The following SGCZ variants were observed in gnomAD, a reference collection of about 807,000 sequenced individuals.
SGCZ encodes the protein sarcoglycan zeta, also known as zeta-sarcoglycan.
SGCZ carries 40 observed loss-of-function variants against 41.3 expected under a neutral mutation model. That is an observed-to-expected ratio of 0.97 (90% confidence interval 0.75 to 1.26). The LOEUF (loss-of-function observed/expected upper bound fraction) is 1.26. SGCZ is among the 50% of genes most tolerant of loss of function. The pLI, the probability that SGCZ is intolerant of heterozygous loss-of-function variation, is 0.00. For missense variants in SGCZ, 552 were observed against 369.8 expected (o/e 1.49, Z -4.04); for synonymous variants, 206 against 137.5 (o/e 1.50, Z -3.49).
chr8:15,047,785 T>C (rs1166558167), intron 1 of SGCZ, among the ~76,000 whole-genome samples: 1 of 151,978 alleles, frequency 6.6e-6, no homozygotes, highest in Non-Finnish European at 1.5e-5. Flanking sequence ...TATATAACTT[T>C]TATCATCGTA....
chr8:14,684,479 A>T (rs1404671901), intron 1 of SGCZ, among the ~76,000 whole-genome samples: 1 of 152,188 alleles, frequency 6.6e-6, no homozygotes, highest in Non-Finnish European at 1.5e-5. Context: ...GCTTTGGGAC[A>T]TTGTAGTGAG....
At chr8:14,843,790 A>C (rs1803006016) in intron 1 of SGCZ, among the ~76,000 whole-genome samples, 1 of 152,064 alleles carries the variant, frequency 6.6e-6, no homozygotes, top group Non-Finnish European at 1.5e-5. Context: ...TTAACTCATT[A>C]ATTGCCTTAC....
At chr8:14,242,194 C>T (rs1467117947) in intron 3 of SGCZ, among the ~76,000 whole-genome samples, 2 of 152,170 alleles carry the variant, frequency 1.3e-5, no homozygotes, top group Non-Finnish European at 2.9e-5. Flanking sequence ...ATGGGTGTTT[C>T]AGGTAAGGAT....
At chr8:14,128,127 A>G (rs1348555112) in intron 5 of SGCZ, among the ~76,000 whole-genome samples, 1 of 152,176 alleles carries the variant, frequency 6.6e-6, no homozygotes, top group Non-Finnish European at 1.5e-5. Context: ...ATGCTTATAC[A>G]CTGCTGGTGG....
intron 1 of SGCZ, among the ~76,000 whole-genome samples, chr8:14,658,828 G>C (rs982806083): frequency 4.6e-5 from 7 of 151,658 alleles, no homozygotes; most frequent in Admixed American, 4.6e-4. Context: ...ATCTAGCAGA[G>C]AGCAGATGCT....
In SGCZ at chr8:15,228,743, T is replaced by C. The variant is rs555443629; in HGVS notation, c.39+8842A>G. 2.1e-4 allele frequency among the ~76,000 whole-genome samples: 32 copies of C among 152,324 alleles called. No individual in the cohort carries two copies. The East Asian group carries it at 6.0e-3, about 29-fold the overall frequency. ...TAGAGGTGTTAACCTAAGTATTAAATATCAGTCTTTTACTTTAGGTATATA... is the reference window on the plus strand; with the variant it reads ...TAGAGGTGTTAACCTAAGTATTAAACATCAGTCTTTTACTTTAGGTATATA... On this transcript the variant is annotated intron_variant, in intron 1 of 7. Transcript: ENST00000382080.
At chr8:14,284,623 T>G (rs1220690769) in intron 3 of SGCZ, among the ~76,000 whole-genome samples, 1 of 152,210 alleles carries the variant, frequency 6.6e-6, no homozygotes, top group African/African-American at 2.4e-5. Flanking sequence ...CTTTTGATAT[T>G]GTTAAGTTTA....
At chr8:14,451,946 G>C (rs866922181) in intron 2 of SGCZ, among the ~76,000 whole-genome samples, 36 of 152,120 alleles carry the variant, frequency 2.4e-4, no homozygotes, top group African/African-American at 7.5e-4. Context: ...ACTAAACATA[G>C]TCAGTTTACG....
At chr8:14,545,342 A>C (rs186973721) in intron 2 of SGCZ, among the ~76,000 whole-genome samples, 1 of 152,250 alleles carries the variant, frequency 6.6e-6, no homozygotes, top group Non-Finnish European at 1.5e-5. Context: ...TTTTATTAAG[A>C]TAATATTATC....
chr8:14,564,349 ATCTGTTGT>A (rs1804294846), intron 1 of SGCZ, among the ~76,000 whole-genome samples: 1 of 152,068 alleles, frequency 6.6e-6, no homozygotes, highest in South Asian at 2.1e-4. Flanking sequence ...AATATCAGTC[ATCTGTTGT>A]TTATTCAGGC....
At chr8:14,265,794 A>G (rs1460205916) in intron 3 of SGCZ, among the ~76,000 whole-genome samples, 1 of 151,930 alleles carries the variant, frequency 6.6e-6, no homozygotes, top group Non-Finnish European at 1.5e-5. Flanking sequence ...AATTAAAAAA[A>G]AATCACACAG....
intron 2 of SGCZ, among the ~76,000 whole-genome samples, chr8:14,528,836 AACAAAAC>A (rs1457260987): frequency 1.4e-3 from 30 of 21,900 alleles, no homozygotes; most frequent in African/African-American, 5.1e-3. Flanking sequence ...CCAAAAAAAA[AACAAAAC>A]AAAAACAAAA....
intron 2 of SGCZ, among the ~76,000 whole-genome samples, chr8:14,540,876 G>T (rs545134111): frequency 6.6e-6 from 1 of 151,710 alleles, no homozygotes; most frequent in South Asian, 2.1e-4. Context: ...CATGAACAAA[G>T]AAATATTTAT....
At chr8:14,114,791 A>G (rs1338085653) in intron 5 of SGCZ, among the ~76,000 whole-genome samples, 1 of 151,980 alleles carries the variant, frequency 6.6e-6, no homozygotes, top group Admixed American at 6.6e-5. Flanking sequence ...TATGGCTCTC[A>G]TTTTGTAACC....
At chr8:14,460,797 G>A (rs1180687663) in intron 2 of SGCZ, among the ~76,000 whole-genome samples, 1 of 152,142 alleles carries the variant, frequency 6.6e-6, no homozygotes, top group Non-Finnish European at 1.5e-5. Context: ...AAAGTTGGGA[G>A]TCTAAAATTT....
intron 2 of SGCZ, among the ~76,000 whole-genome samples, chr8:14,451,382 T>A (rs1299399719): frequency 6.6e-6 from 1 of 152,188 alleles, no homozygotes; most frequent in African/African-American, 2.4e-5. Context: ...TATTTCAGGG[T>A]ACAGTGTTAC....
intron 1 of SGCZ, among the ~76,000 whole-genome samples, chr8:14,708,426 T>C (rs1585198763): frequency 6.6e-6 from 1 of 151,938 alleles, no homozygotes; most frequent in Non-Finnish European, 1.5e-5. Context: ...GTCACTCCCA[T>C]ATGTTCTCTT....
chr8:14,352,223 G>A (rs767198226), intron 2 of SGCZ, among the ~76,000 whole-genome samples: 2 of 152,010 alleles, frequency 1.3e-5, no homozygotes, highest in Non-Finnish European at 1.5e-5. Context: ...GGAATTTCCA[G>A]GCTGAAGCTA....
At chr8:14,263,070 T>C (rs553552081) in intron 3 of SGCZ, among the ~76,000 whole-genome samples, 1 of 152,184 alleles carries the variant, frequency 6.6e-6, no homozygotes, top group Non-Finnish European at 1.5e-5. Context: ...GTTTCATGAA[T>C]TTTTTCTGCA....
Sources: allele counts gnomAD v4.1 joint callset (sites outside exome capture counted in the v4.1 genomes callset), GRCh38; gene constraint gnomAD v4.1.1; transcripts MANE v1.5; gene names NCBI Gene and HGNC (gene_info 2026-07-23, HGNC 2026-07-21).